The following RAP1GAP2 variants were observed in gnomAD, a reference collection of about 807,000 sequenced individuals.
RAP1GAP2 encodes the protein rap1 GTPase-activating protein 2.
A neutral mutation model predicts 95.0 loss-of-function variants in RAP1GAP2; 27 were observed. The ratio of observed to expected loss-of-function variants is 0.28; its 90% CI spans 0.21 to 0.39. RAP1GAP2 has a LOEUF of 0.39. RAP1GAP2 is among the 10% of genes least tolerant of loss of function. RAP1GAP2 has a pLI of 1.00. For missense variants in RAP1GAP2, 771 were observed against 970.0 expected (o/e 0.79, Z 2.72); for synonymous variants, 373 against 380.9 (o/e 0.98, Z 0.24).
At chr17:3,013,030 G>C (rs939651440) in intron 17 of RAP1GAP2, among the ~76,000 whole-genome samples, 4 of 152,312 alleles carry the variant, frequency 2.6e-5, no homozygotes, top group Admixed American at 6.5e-5. Context: ...GCAGAGGACC[G>C]GGGAGGAGAA....
chr17:2,976,511 C>T (rs2045128071), intron 8 of RAP1GAP2, among the ~76,000 whole-genome samples: 1 of 152,020 alleles, frequency 6.6e-6, no homozygotes, highest in African/African-American at 2.4e-5. Context: ...AACTAAATGA[C>T]AGTGAAGATA....
In RAP1GAP2 at chr17:2,904,289, C is replaced by T. The variant is rs557122455; in HGVS notation, c.81-995C>T. On this transcript the variant is annotated intron_variant, in intron 2 of 24. Transcript: ENST00000254695. This position sits in a 1 kb window ranked among gnomAD's most constrained non-coding sequence, Gnocchi z 4.7. ...CAGCCGTGGCTCTGAAGGCTGATCC[C>T]ATGCCAAACCGTCTGCTTGGTGATG... 2.0e-5 allele frequency among the ~76,000 whole-genome samples: 3 copies of T among 152,160 alleles called. No individual in the cohort carries two copies. The South Asian group carries it at 6.2e-4, about 31-fold the overall frequency.
chr17:2,793,153 A>C (rs1206197676), upstream of RAP1GAP2, among the ~76,000 whole-genome samples: 1 of 139,008 alleles, frequency 7.2e-6, no homozygotes, highest in Admixed American at 7.3e-5. Flanking sequence ...TTGCAACAGG[A>C]TTTTTTTTTT....
At chr17:2,766,605 G>A (rs1186994391) in intron 1 of RAP1GAP2, among the ~76,000 whole-genome samples, 3 of 151,574 alleles carry the variant, frequency 2.0e-5, no homozygotes, top group South Asian at 2.1e-4. Context: ...GAAAGACTCC[G>A]TCTAAAAAAA....
chr17:2,961,357 A>T (rs187228706), intron 4 of RAP1GAP2, among the ~76,000 whole-genome samples: 1 of 151,964 alleles, frequency 6.6e-6, no homozygotes, highest in Non-Finnish European at 1.5e-5. Context: ...TCTACTAAAA[A>T]TACAAACATT....
chr17:2,896,672 A>G (rs563425832), intron 2 of RAP1GAP2, among the ~76,000 whole-genome samples: 5 of 152,190 alleles, frequency 3.3e-5, no homozygotes, highest in African/African-American at 1.2e-4. Flanking sequence ...CCCCAACCAC[A>G]GGGCTGTGGA....
chr17:2,957,931 G>T, intron 4 of RAP1GAP2, 137 bp downstream of exon 4: 1 of 971,474 alleles, frequency 1.0e-6, no homozygotes, highest in Non-Finnish European at 1.5e-6. Context: ...CATCCCCTTG[G>T]CCCAGACAAC....
chr17:2,834,612 C>T (rs573217769), intron 2 of RAP1GAP2, among the ~76,000 whole-genome samples: 15 of 152,190 alleles, frequency 9.9e-5, no homozygotes, highest in Admixed American at 2.0e-4. Flanking sequence ...GCTTGGGCAA[C>T]GTGGCAAAAC....
At chr17:2,975,150 G>A (rs1348153910) in intron 8 of RAP1GAP2, among the ~76,000 whole-genome samples, 1 of 152,042 alleles carries the variant, frequency 6.6e-6, no homozygotes, top group African/African-American at 2.4e-5. Flanking sequence ...GAATCACTTG[G>A]ACCTGGGAGG....
chr17:2,967,915 G>A (rs888426781), intron 8 of RAP1GAP2, among the ~76,000 whole-genome samples: 1 of 152,184 alleles, frequency 6.6e-6, no homozygotes, highest in Non-Finnish European at 1.5e-5. Flanking sequence ...TGTGTGCCAT[G>A]AGAGTAGCCA....
At chr17:3,018,247 C>T (rs1340506116) in intron 18 of RAP1GAP2, 49 bp downstream of exon 18, 1 of 1,519,298 alleles carries the variant, frequency 6.6e-7, no homozygotes. Flanking sequence ...AGGGAGGCCC[C>T]CCCCAGACCT....
intron 2 of RAP1GAP2, among the ~76,000 whole-genome samples, chr17:2,848,483 C>T (rs964063101): frequency 4.3e-5 from 6 of 138,676 alleles, no homozygotes; most frequent in Admixed American, 7.4e-5. Flanking sequence ...AGTTTTCCTG[C>T]ATCTCTCTCT....
intron 12 of RAP1GAP2, among the ~76,000 whole-genome samples, chr17:2,994,741 T>G (rs543309640): frequency 1.3e-5 from 2 of 152,338 alleles, no homozygotes; most frequent in Admixed American, 6.5e-5. Context: ...TGGATGCGCT[T>G]CCTTCCCATA....
At chr17:2,760,232 G>T (rs2071216409) in intron 1 of RAP1GAP2, among the ~76,000 whole-genome samples, 1 of 133,562 alleles carries the variant, frequency 7.5e-6, no homozygotes, top group African/African-American at 2.9e-5. Context: ...GGCGGAGCTT[G>T]CAGTGAGTTG....
chr17:3,025,095 G>A (rs532107977), intron 19 of RAP1GAP2, among the ~76,000 whole-genome samples: 9 of 152,314 alleles, frequency 5.9e-5, no homozygotes, highest in South Asian at 2.1e-4. Context: ...GTACATTGAC[G>A]GCCAGGTGCG....
At chr17:3,028,894 A>G (rs2047208856) in intron 22 of RAP1GAP2, among the ~76,000 whole-genome samples, 2 of 152,200 alleles carry the variant, frequency 1.3e-5, no homozygotes, top group South Asian at 4.1e-4. Flanking sequence ...TCCGCCTCCC[A>G]GGTTCAAGTG....
chr17:2,807,849 A>G (rs756819), intron 2 of RAP1GAP2, among the ~76,000 whole-genome samples: 62,657 of 151,812 alleles, frequency 0.41, 13,846 homozygotes, highest in South Asian at 0.52. Flanking sequence ...CGAGTCTGAG[A>G]GCCCCTCTGG....
intron 1 of RAP1GAP2, among the ~76,000 whole-genome samples, chr17:2,790,812 A>G (rs2068903923): frequency 6.6e-6 from 1 of 152,226 alleles, no homozygotes; most frequent in Non-Finnish European, 1.5e-5. Context: ...CCCGAGGGCC[A>G]GGGGACACAG....
chr17:2,836,935 C>T (rs7217850), intron 2 of RAP1GAP2, among the ~76,000 whole-genome samples: 2 of 151,922 alleles, frequency 1.3e-5, no homozygotes, highest in Admixed American at 6.6e-5. Flanking sequence ...CTGAAGCAAT[C>T]GTAGTGGATT....
Sources: gnomAD v4.1 joint callset for allele counts (sites outside exome capture counted in the v4.1 genomes callset) on GRCh38, gnomAD v4.1.1 for gene constraint, Gnocchi (gnomAD v3.1) non-coding constraint, MANE v1.5 for transcripts, NCBI Gene and HGNC (gene_info 2026-07-23, HGNC 2026-07-21) for gene names.